EPM2A: variants seen among roughly 807,000 people sequenced by gnomAD.
The protein encoded by EPM2A is laforin.
Under a neutral mutation model 26.5 loss-of-function variants are expected in EPM2A, and 21 were observed. The ratio of observed to expected loss-of-function variants is 0.79; its 90% confidence interval spans 0.56 to 1.14. The LOEUF (loss-of-function observed/expected upper bound fraction) is 1.14. EPM2A is among the 50% of genes most tolerant of loss of function. The pLI is 0.00. For synonymous variants in EPM2A, 217 were observed against 177.6 expected (o/e 1.22, Z -1.76); for missense variants, 458 against 440.8 (o/e 1.04, Z -0.35).
At chr6:145,419,784 T>TA (rs924032617) in intron 4 of EPM2A, among the ~76,000 whole-genome samples, 92 of 152,046 alleles carry the variant, frequency 6.1e-4, no homozygotes, top group African/African-American at 2.1e-3. Context: ...AAGAACTTGG[T>TA]AAAAAAACCA....
chr6:145,718,300 T>C (rs1483386781), intron 1 of EPM2A, among the ~76,000 whole-genome samples: 1 of 145,226 alleles, frequency 6.9e-6, no homozygotes, highest in African/African-American at 2.6e-5. Flanking sequence ...AACAGAGGCC[T>C]CAGAAATAAC....
At chr6:145,719,131 C>A (rs944201318) in intron 1 of EPM2A, among the ~76,000 whole-genome samples, 1 of 151,786 alleles carries the variant, frequency 6.6e-6, no homozygotes. Flanking sequence ...GGTATATACC[C>A]AAAGGATTAT....
intron 4 of EPM2A, among the ~76,000 whole-genome samples, chr6:145,436,190 A>G (rs948815495): frequency 6.6e-6 from 1 of 152,156 alleles, no homozygotes; most frequent in Non-Finnish European, 1.5e-5. Flanking sequence ...ATTTATTTTT[A>G]AGGCCAAATA....
chr6:145,667,869 G>A (rs867301227), intron 2 of EPM2A, among the ~76,000 whole-genome samples: 4 of 150,632 alleles, frequency 2.7e-5, no homozygotes, highest in South Asian at 2.1e-4. Flanking sequence ...TTGTAGGGAC[G>A]TGGATGAAAT....
chr6:145,530,357 A>G (rs947718609), intron 2 of EPM2A, among the ~76,000 whole-genome samples: 11 of 152,230 alleles, frequency 7.2e-5, no homozygotes, highest in African/African-American at 2.7e-4. Context: ...ACGAATTTAC[A>G]TTCGTTTTAC....
At chr6:145,661,293 G>A (rs1271377470) in intron 2 of EPM2A, among the ~76,000 whole-genome samples, 2 of 152,110 alleles carry the variant, frequency 1.3e-5, no homozygotes, top group Admixed American at 1.3e-4. Flanking sequence ...TGAATTAACT[G>A]GTGCATTACT....
intron 2 of EPM2A, among the ~76,000 whole-genome samples, chr6:145,545,482 G>A (rs1466987617): frequency 1.3e-5 from 2 of 152,168 alleles, no homozygotes; most frequent in Non-Finnish European, 2.9e-5. Context: ...AATAGTGGGA[G>A]AGGATGCAAA....
chr6:145,512,266 AC>A (rs1449293343), intron 2 of EPM2A, among the ~76,000 whole-genome samples: 1 of 152,182 alleles, frequency 6.6e-6, no homozygotes, highest in Admixed American at 6.5e-5. Flanking sequence ...TATATATAAA[AC>A]CAAAAAATAG....
intron 1 of EPM2A, among the ~76,000 whole-genome samples, chr6:145,719,897 C>G (rs1775860106): frequency 6.6e-6 from 1 of 152,058 alleles, no homozygotes; most frequent in Non-Finnish European, 1.5e-5. Context: ...TAATAGAGAT[C>G]TCTTCTCAGT....
intron 2 of EPM2A, chr6:145,639,974 T>C (rs1439857673): frequency 2.0e-5 from 3 of 152,232 alleles, no homozygotes; most frequent in Admixed American, 2.0e-4. Flanking sequence ...AAAGAATAGA[T>C]GGCTGACATT....
intron 2 of EPM2A, among the ~76,000 whole-genome samples, chr6:145,571,758 C>A (rs763015348): frequency 2.0e-5 from 3 of 152,214 alleles, no homozygotes; most frequent in Non-Finnish European, 4.4e-5. Context: ...GCATTACCTC[C>A]ATCCATGCCA....
At chr6:145,556,460 C>A (rs1455976417) in intron 2 of EPM2A, among the ~76,000 whole-genome samples, 1 of 152,088 alleles carries the variant, frequency 6.6e-6, no homozygotes, top group Non-Finnish European at 1.5e-5. Flanking sequence ...CTGGCCTCAC[C>A]ATCACTTTAA....
intron 1 of EPM2A, chr6:145,705,815 A>G (rs567364495): frequency 1.1e-5 from 5 of 455,034 alleles, no homozygotes; most frequent in Non-Finnish European, 2.2e-5. Flanking sequence ...TCTTCAACAG[A>G]GCAAAGAAGA....
chr6:145,535,573 G>A (rs369214), intron 2 of EPM2A, among the ~76,000 whole-genome samples: 67,744 of 151,958 alleles, frequency 0.45, 15,143 homozygotes, highest in South Asian at 0.58. Flanking sequence ...GCTTGACTGG[G>A]AAGTGCAGAC....
At chr6:145,558,197 TG>T (rs1780755718) in intron 2 of EPM2A, among the ~76,000 whole-genome samples, 2 of 152,256 alleles carry the variant, frequency 1.3e-5, no homozygotes, top group South Asian at 4.1e-4. Context: ...GTTCATATGT[TG>T]GGTATAGATC....
At chr6:145,552,047 A>G (rs1050841130) in intron 2 of EPM2A, among the ~76,000 whole-genome samples, 5 of 151,978 alleles carry the variant, frequency 3.3e-5, no homozygotes, top group Non-Finnish European at 7.4e-5. Context: ...ACAGAATCAG[A>G]TAACTAGAGC....
rs373015401 is a variant in EPM2A at position 145,690,486 on chromosome 6, C to T, written c.302-4190G>A. 2.9e-4 allele frequency among the ~76,000 whole-genome samples: 40 copies of T among 138,478 alleles called. No homozygotes were observed. The East Asian group carries it at 6.0e-3, about 21-fold the overall frequency. The allele number at this position is 138,478 out of a possible 152,430, so 90.8% of individuals were successfully genotyped here. A position where few individuals can be genotyped will look rare whatever the true frequency, so the allele number is the denominator to read the frequency against. Reference sequence around the variant, plus strand: ...GATTGCGCCACTGCAGTCCGCAGTCCGGCCTGGGCGACAGAGCGAGACTCC... The same window carrying T: ...GATTGCGCCACTGCAGTCCGCAGTCTGGCCTGGGCGACAGAGCGAGACTCC... On this transcript the variant is annotated intron_variant, in intron 1 of 3. Coordinates refer to ENST00000367519, the MANE Select transcript of EPM2A (RefSeq NM_005670.4).
chr6:145,620,810 AT>A (rs34728802), downstream of EPM2A, among the ~76,000 whole-genome samples: 11 of 152,206 alleles, frequency 7.2e-5, no homozygotes, highest in African/African-American at 2.2e-4. Flanking sequence ...AATAACAGCA[AT>A]TTTTTCAGCC....
At chr6:145,500,511 G>C (rs1413717585), downstream of EPM2A, among the ~76,000 whole-genome samples, 1 of 152,106 alleles carries the variant, frequency 6.6e-6, no homozygotes, top group African/African-American at 2.4e-5. Flanking sequence ...AGGACACAGA[G>C]GGCTCCTGAC....
Sources: gnomAD v4.1 joint callset for allele counts (sites outside exome capture counted in the v4.1 genomes callset) on GRCh38, gnomAD v4.1.1 for gene constraint, MANE v1.5 for transcripts, NCBI Gene and HGNC (gene_info 2026-07-23, HGNC 2026-07-21) for gene names.